The following LAMA2 variants were observed in gnomAD, a reference collection of about 807,000 sequenced individuals.
LAMA2 encodes the protein laminin subunit alpha-2.
In LAMA2, 269 loss-of-function variants were observed where a neutral mutation model predicts 364.8. That is an observed-to-expected ratio of 0.74 (90% confidence interval 0.67 to 0.82). The LOEUF is 0.82. LAMA2 is among the 40% of genes least tolerant of loss of function. LAMA2 has a pLI of 0.00. For synonymous variants in LAMA2, 1,379 were observed against 1,370.6 expected (o/e 1.01, Z -0.14); for missense variants, 3,807 against 3,873.2 (o/e 0.98, Z 0.45).
intron 3 of LAMA2, among the ~76,000 whole-genome samples, chr6:129,064,198 TA>T (rs1207885987): frequency 6.6e-6 from 1 of 151,620 alleles, no homozygotes; most frequent in Non-Finnish European, 1.5e-5. Context: ...AAGAAAAAAT[TA>T]AAAGAGAAAT....
chr6:129,255,405 CAAAAAAAAAAAAAA>C lies in LAMA2; in HGVS notation c.2096+3127_2096+3140del, dbSNP rs5879934. On this transcript the variant is annotated intron_variant, in intron 14 of 64. Coordinates refer to ENST00000421865, the MANE Select transcript of LAMA2 (RefSeq NM_000426.4). ...TGGGTGACAGAGGGAGACTCTGTCT[CAAAAAAAAAAAAAA>C]AAAAAAAAAAAAAAAAGCCTGGAAT... 5.6e-4 allele frequency among the ~76,000 whole-genome samples: 19 copies of C among 33,828 alleles called. No individual in the cohort carries two copies. The South Asian group carries it at 9.6e-3, about 17-fold the overall frequency. 22.2% of individuals were successfully genotyped at this position (33,828 alleles called of 152,430 possible).
At chr6:129,097,952 T>A (rs532253107) in intron 3 of LAMA2, among the ~76,000 whole-genome samples, 3 of 152,316 alleles carry the variant, frequency 2.0e-5, no homozygotes, top group African/African-American at 7.2e-5. Flanking sequence ...CCAGTCTTAA[T>A]CCATTTCTTT....
intron 3 of LAMA2, among the ~76,000 whole-genome samples, chr6:129,064,227 CA>C (rs1242907500): frequency 2.6e-5 from 4 of 151,714 alleles, no homozygotes; most frequent in Non-Finnish European, 4.4e-5. Context: ...TAACTTGAGA[CA>C]AATGAGAATG....
At chr6:129,186,985 G>A (rs1781264398) in intron 10 of LAMA2, among the ~76,000 whole-genome samples, 1 of 151,686 alleles carries the variant, frequency 6.6e-6, no homozygotes, top group African/African-American at 2.4e-5. Flanking sequence ...AAAGAATAAA[G>A]CAACGATAAG....
intron 4 of LAMA2, among the ~76,000 whole-genome samples, chr6:129,131,469 C>A (rs531144109): frequency 3.3e-5 from 5 of 152,300 alleles, no homozygotes; most frequent in Admixed American, 3.3e-4. Flanking sequence ...GGGCATGGCC[C>A]TGCAGCTCCC....
intron 60 of LAMA2, 68 bp from the exon 61 acceptor site, chr6:129,505,132 A>G (rs1785950455): frequency 7.3e-7 from 1 of 1,363,886 alleles, no homozygotes; most frequent in Admixed American, 1.7e-5. Flanking sequence ...TAGAGTCCTT[A>G]TGTCTTATAC....
chr6:129,511,132 A>G (rs539534409), intron 62 of LAMA2, among the ~76,000 whole-genome samples: 24 of 152,290 alleles, frequency 1.6e-4, no homozygotes, highest in African/African-American at 5.8e-4. Context: ...TCCCCTGAAC[A>G]CACAGTGTAA....
chr6:129,154,486 T>G lies in LAMA2; in HGVS notation c.1028-19T>G. ...TGAAATCAAATTGATGTTTATTAAT[T>G]TATTTTTCCTTAATGCAGCATGCAA... On this transcript the variant is annotated intron_variant, in intron 7 of 64. Coordinates refer to ENST00000421865, the MANE Select transcript of LAMA2 (RefSeq NM_000426.4). 2 of 1,594,480 alleles carry G rather than the reference T, an allele frequency of 1.3e-6. No homozygotes were observed. The highest frequency in any genetic ancestry group is 2.2e-5 in the South Asian group (2 of 90,638).
intron 22 of LAMA2, among the ~76,000 whole-genome samples, chr6:129,310,980 C>G (rs998083522): frequency 6.6e-6 from 1 of 152,124 alleles, no homozygotes; most frequent in Non-Finnish European, 1.5e-5. Context: ...AAGCCGACTT[C>G]AAGGTCAGAG....
chr6:129,408,199 T>G (rs1287807512), intron 40 of LAMA2, among the ~76,000 whole-genome samples: 1 of 152,086 alleles, frequency 6.6e-6, no homozygotes, highest in Non-Finnish European at 1.5e-5. Flanking sequence ...ACGTGAACAC[T>G]GGCTATGGGA....
At chr6:128,883,755 T>C (rs1775965343) in intron 1 of LAMA2, among the ~76,000 whole-genome samples, 1 of 151,352 alleles carries the variant, frequency 6.6e-6, no homozygotes, top group Non-Finnish European at 1.5e-5. Context: ...CCTGGGACTT[T>C]ATGGAGGGTA....
intron 29 of LAMA2, among the ~76,000 whole-genome samples, chr6:129,334,808 T>G (rs1775853716): frequency 6.6e-6 from 1 of 152,108 alleles, no homozygotes; most frequent in Non-Finnish European, 1.5e-5. Flanking sequence ...ACTAGATAGC[T>G]CTCTGGGGTC....
chr6:129,433,696 A>G (rs911569896), intron 41 of LAMA2, among the ~76,000 whole-genome samples: 3 of 152,220 alleles, frequency 2.0e-5, no homozygotes, highest in Admixed American at 6.5e-5. Flanking sequence ...AGTGAGGAAT[A>G]TATACATAGG....
At chr6:129,233,812 A>T (rs777151397) in intron 12 of LAMA2, among the ~76,000 whole-genome samples, 1 of 152,222 alleles carries the variant, frequency 6.6e-6, no homozygotes, top group Non-Finnish European at 1.5e-5. Context: ...TAAAAATATC[A>T]TAGAGATTTT....
At chr6:129,416,813 G>A (rs1319999834) in intron 40 of LAMA2, among the ~76,000 whole-genome samples, 2 of 152,228 alleles carry the variant, frequency 1.3e-5, no homozygotes, top group Non-Finnish European at 2.9e-5. Flanking sequence ...AGTGGCGAGG[G>A]GTGTGTGAGT....
chr6:129,342,397 T>C lies in LAMA2; in HGVS notation c.4366T>C (p.Tyr1456His), dbSNP rs745370327. Residue 1456 changes from tyrosine (Y) to histidine (H), a missense_variant, in exon 30 of 65, where the codon TAT becomes CAT. Tyr to His is a moderately conservative substitution (Grantham distance 83, BLOSUM62 2). Coordinates refer to ENST00000421865, the MANE Select transcript of LAMA2 (RefSeq NM_000426.4). Reference protein sequence around the residue: ...DFCERCALGYYGIVKGLPNDC... With the variant: ...DFCERCALGYHGIVKGLPNDC... ...CTGTGAACGATGTGCTCTTGGATAC[T>C]ATGGAATTGTCAAGGGATTGCCAAA... 1 of 1,613,436 alleles carries C rather than the reference T, an allele frequency of 6.2e-7. No homozygotes were observed. Among genetic ancestry groups the C allele is most frequent in the Non-Finnish European group, 8.5e-7 (1 of 1,179,422 alleles).
chr6:129,147,169 A>AC, intron 6 of LAMA2, 121 bp downstream of exon 6: 2 of 745,752 alleles, frequency 2.7e-6, no homozygotes, highest in Non-Finnish European at 2.5e-6. Flanking sequence ...AGACAGTGTA[A>AC]CAGAAATCCA....
intron 34 of LAMA2, among the ~76,000 whole-genome samples, chr6:129,370,753 C>G (rs965887770): frequency 6.6e-6 from 1 of 152,060 alleles, no homozygotes; most frequent in Non-Finnish European, 1.5e-5. Context: ...AGAGCTGCCT[C>G]GGGCCATGAC....
intron 1 of LAMA2, among the ~76,000 whole-genome samples, chr6:128,915,465 T>A (rs1778249543): frequency 6.6e-6 from 1 of 152,200 alleles, no homozygotes; most frequent in Non-Finnish European, 1.5e-5. Context: ...ATGAGACATG[T>A]CTTCCAGTTG....
Sources: gnomAD v4.1 joint callset for allele counts (sites outside exome capture counted in the v4.1 genomes callset) on GRCh38, gnomAD v4.1.1 for gene constraint, MANE v1.5 for transcripts, NCBI Gene and HGNC (gene_info 2026-07-23, HGNC 2026-07-21) for gene names.